The following CCDC148 variants were observed in gnomAD, a reference collection of about 807,000 sequenced individuals.
CCDC148 encodes the protein coiled-coil domain-containing protein 148.
Under a neutral mutation model 85.7 loss-of-function variants are expected in CCDC148, and 89 were observed. That is an observed-to-expected ratio of 1.04 (90% CI 0.87 to 1.24). The LOEUF (loss-of-function observed/expected upper bound fraction) is 1.24. Ranked by LOEUF, CCDC148 falls within the 50% of genes most tolerant of loss-of-function variation. CCDC148 has a pLI of 0.00. For missense variants in CCDC148, 692 were observed against 671.7 expected (o/e 1.03, Z -0.33); for synonymous variants, 230 against 213.9 (o/e 1.08, Z -0.66).
intron 1 of CCDC148, among the ~76,000 whole-genome samples, chr2:158,400,578 A>C (rs916313145): frequency 3.3e-5 from 5 of 152,366 alleles, no homozygotes; most frequent in African/African-American, 1.2e-4. Context: ...TAAAGATTTA[A>C]ATGTTAGACC....
chr2:158,278,494 G>C (rs1690077814), intron 9 of CCDC148, among the ~76,000 whole-genome samples: 1 of 152,186 alleles, frequency 6.6e-6, no homozygotes, highest in Admixed American at 6.5e-5. Context: ...TGGCTGGGAG[G>C]GTCCTTCACC....
intron 1 of CCDC148, among the ~76,000 whole-genome samples, chr2:158,445,799 A>T (rs147586654): frequency 6.6e-6 from 1 of 150,740 alleles, no homozygotes; most frequent in Admixed American, 6.6e-5. Context: ...TAGAAAATCT[A>T]TAAGTACAAG....
intron 1 of CCDC148, among the ~76,000 whole-genome samples, chr2:158,385,250 C>G (rs1261315268): frequency 2.0e-5 from 3 of 152,152 alleles, no homozygotes; most frequent in African/African-American, 7.2e-5. Context: ...CTATCAGGAA[C>G]CTTAATTACA....
intron 1 of CCDC148, among the ~76,000 whole-genome samples, chr2:158,374,649 CAG>C (rs1361202943): frequency 6.9e-6 from 1 of 145,778 alleles, no homozygotes; most frequent in Non-Finnish European, 1.5e-5. Context: ...TGCATTTTTA[CAG>C]TGATTTTATA....
At chr2:158,310,972 C>T (rs78945523) in intron 8 of CCDC148, among the ~76,000 whole-genome samples, 3 of 149,100 alleles carry the variant, frequency 2.0e-5, no homozygotes, top group Non-Finnish European at 3.0e-5. Context: ...CGGGAAGAGG[C>T]GCTCTTCACT....
chr2:158,347,951 T>C (rs1006600823), intron 2 of CCDC148, among the ~76,000 whole-genome samples: 1 of 152,052 alleles, frequency 6.6e-6, no homozygotes, highest in South Asian at 2.1e-4. Context: ...ATTTATCGGG[T>C]TGACAAAAAC....
chr2:158,359,108 T>C (rs746011518), intron 1 of CCDC148, among the ~76,000 whole-genome samples: 3 of 152,192 alleles, frequency 2.0e-5, no homozygotes, highest in Non-Finnish European at 4.4e-5. Flanking sequence ...CTGAGTAATC[T>C]ACATCCAAAT....
At chr2:158,225,234 C>G (rs948106121) in intron 10 of CCDC148, among the ~76,000 whole-genome samples, 6 of 152,162 alleles carry the variant, frequency 3.9e-5, no homozygotes, top group Non-Finnish European at 8.8e-5. Flanking sequence ...GTAAAGGGAT[C>G]AATTCAACAA....
At position 158,220,603 on chromosome 2, in the gene CCDC148, G is replaced by A. The variant is rs776720940; in HGVS notation, c.1362C>T (p.Asp454=). 6.2e-7 allele frequency: 1 copy of A among 1,601,720 alleles called. No individual in the cohort carries two copies. The highest frequency in any genetic ancestry group is 2.3e-5 in the East Asian group (1 of 44,338). The change falls in exon 11 of 14, where the codon GAC becomes GAT. Residue 454 remains aspartate (D), a synonymous_variant. Coordinates refer to ENST00000283233, the MANE Select transcript of CCDC148 (RefSeq NM_138803.4). ...TTTAAATTTTCTTTTACCTTTCTCT[G>A]TCTTTTAGTGACTGTTCAGCGATTA... is the stretch of plus-strand genomic sequence containing the variant. ...KKLIAEQSLK[D]RERVKYRQEL... is the part of the protein sequence containing the mutation.
At chr2:158,336,072 C>T (rs1280512872) in intron 7 of CCDC148, among the ~76,000 whole-genome samples, 1 of 152,184 alleles carries the variant, frequency 6.6e-6, no homozygotes, top group African/African-American at 2.4e-5. Flanking sequence ...ACTGTCTAAA[C>T]TATGCACACA....
intron 7 of CCDC148, among the ~76,000 whole-genome samples, chr2:158,333,889 A>G (rs1462420684): frequency 6.6e-6 from 1 of 152,068 alleles, no homozygotes; most frequent in East Asian, 1.9e-4. Context: ...TTCTCTTTCA[A>G]TATTGATCTG....
chr2:158,389,572 C>T (rs1685222066), intron 1 of CCDC148, among the ~76,000 whole-genome samples: 1 of 152,160 alleles, frequency 6.6e-6, no homozygotes, highest in Admixed American at 6.6e-5. Flanking sequence ...AGTAAAACTT[C>T]ATCTTTCTTC....
intron 1 of CCDC148, among the ~76,000 whole-genome samples, chr2:158,429,382 T>C (rs929188861): frequency 1.5e-4 from 23 of 151,828 alleles, no homozygotes; most frequent in South Asian, 2.1e-4. Context: ...GATAGATAGA[T>C]AGATAGATAG....
chr2:158,337,476 A>C (rs1682448099), intron 7 of CCDC148, among the ~76,000 whole-genome samples: 1 of 152,190 alleles, frequency 6.6e-6, no homozygotes, highest in African/African-American at 2.4e-5. Context: ...TTGGAGACTT[A>C]AGTGTAGTGC....
At chr2:158,313,671 A>G (rs1349379475) in intron 8 of CCDC148, 85 bp downstream of exon 8, 4 of 1,295,096 alleles carry the variant, frequency 3.1e-6, no homozygotes, top group Non-Finnish European at 4.2e-6. Context: ...TTAAAGAACC[A>G]TTGAAAATAC....
chr2:158,199,438 T>C (rs943211373), intron 11 of CCDC148, among the ~76,000 whole-genome samples: 3 of 151,966 alleles, frequency 2.0e-5, no homozygotes, highest in African/African-American at 7.2e-5. Flanking sequence ...AGAGACAGGG[T>C]TTCACCATGT....
intron 1 of CCDC148, among the ~76,000 whole-genome samples, chr2:158,407,872 G>A (rs1433285266): frequency 6.6e-6 from 1 of 152,096 alleles, no homozygotes; most frequent in Non-Finnish European, 1.5e-5. Context: ...TTAAGATATT[G>A]AAGGAGAGTC....
chr2:158,231,060 G>A (rs1303290848), intron 10 of CCDC148, among the ~76,000 whole-genome samples: 3 of 152,162 alleles, frequency 2.0e-5, no homozygotes, highest in East Asian at 3.9e-4. Context: ...AGTTGGAGGG[G>A]CCAGACGAAC....
At chr2:158,436,189 C>T (rs1019963354) in intron 1 of CCDC148, among the ~76,000 whole-genome samples, 1 of 152,084 alleles carries the variant, frequency 6.6e-6, no homozygotes, top group Non-Finnish European at 1.5e-5. Context: ...TCTCAGCACC[C>T]CATCACACTT....
Sources: allele counts gnomAD v4.1 joint callset (sites outside exome capture counted in the v4.1 genomes callset), GRCh38; gene constraint gnomAD v4.1.1; transcripts MANE v1.5; gene names NCBI Gene and HGNC (gene_info 2026-07-23, HGNC 2026-07-21).